RPL34: variants seen among roughly 807,000 people sequenced by gnomAD.
RPL34 encodes large ribosomal subunit protein eL34.
A neutral mutation model predicts 16.3 loss-of-function variants in RPL34; 2 were observed. The observed-to-expected ratio is 0.12, with a 90% CI of 0.05 to 0.39. The LOEUF is 0.39. Among genes scored for constraint, RPL34 ranks in the 10% least tolerant of loss-of-function variants. The pLI is 0.99. For missense variants in RPL34, 82 were observed against 148.8 expected, an observed-to-expected ratio of 0.55 and a Z score of 2.33; for synonymous variants, 47 against 48.5, an observed-to-expected ratio of 0.97 and a Z score of 0.13.
At chr4:108,621,840 G>T (rs1725790992) in intron 1 of RPL34, 111 bp from the exon 2 acceptor site, 5 of 721,768 alleles carry the variant, frequency 6.9e-6, no homozygotes, top group South Asian at 1.5e-5. Context: ...TAATTTAAGG[G>T]TGTTACATAC....
At chr4:108,621,884 A>G (rs111715491) in intron 1 of RPL34, 67 bp from the exon 2 acceptor site, 1 of 1,030,018 alleles carries the variant, frequency 9.7e-7, no homozygotes, top group Admixed American at 1.7e-5. Context: ...AGACCACATG[A>G]TACTGTTTTG....
At chr4:108,624,376 A>G (rs1264745284) in intron 4 of RPL34, among the ~76,000 whole-genome samples, 1 of 152,128 alleles carries the variant, frequency 6.6e-6, no homozygotes, top group Non-Finnish European at 1.5e-5. Context: ...ACCAATGGGA[A>G]ATGGGGTGGG....
chr4:108,629,921 T>C (rs17039168), downstream of RPL34: 42,628 of 152,114 alleles, frequency 0.28, 6,857 homozygotes, highest in East Asian at 0.57. Context: ...AAATCACATA[T>C]AATCCTCACA....
chr4:108,629,453 A>T (rs1330216729), downstream of RPL34, among the ~76,000 whole-genome samples: 1 of 151,804 alleles, frequency 6.6e-6, no homozygotes, highest in African/African-American at 2.4e-5. Flanking sequence ...TTGGTGTTGA[A>T]GTTCAGTATT....
At chr4:108,627,231 T>G (rs1208769654), downstream of RPL34, among the ~76,000 whole-genome samples, 1 of 149,018 alleles carries the variant, frequency 6.7e-6, no homozygotes, top group African/African-American at 2.5e-5. Flanking sequence ...AGAGCGAGAC[T>G]CGGTCTCCAA....
rs573930564 is a variant in RPL34, at chr4:108,624,859, G to C, written c.270-269G>C. 7.2e-5 allele frequency among the ~76,000 whole-genome samples: 11 copies of C among 152,026 alleles called. No homozygotes were observed. In the South Asian group the frequency reaches 2.3e-3, roughly 31 times the overall value. Reference sequence around the variant, plus strand: ...ATTCCTGGATCCTAACAATAAATTAGAGCTCTCATAAGTGGTCTCCTGTGG... The same window carrying C: ...ATTCCTGGATCCTAACAATAAATTACAGCTCTCATAAGTGGTCTCCTGTGG... On this transcript the variant is annotated intron_variant, in intron 4 of 4. Coordinates refer to ENST00000394667, the MANE Select transcript of RPL34 (RefSeq NM_001319236.2).
chr4:108,620,964 T>G (rs997775251), intron 1 of RPL34: 1 of 152,192 alleles, frequency 6.6e-6, no homozygotes, highest in African/African-American at 2.4e-5. Flanking sequence ...CCTTAGTCTT[T>G]GGGAGGGCAG....
At chr4:108,627,986 GAC>G (rs780248549), downstream of RPL34, among the ~76,000 whole-genome samples, 1 of 152,150 alleles carries the variant, frequency 6.6e-6, no homozygotes, top group Admixed American at 6.6e-5. Context: ...TGAGAGAACA[GAC>G]ACAGGTTATA....
At chr4:108,627,086 A>G (rs1726035252), downstream of RPL34, among the ~76,000 whole-genome samples, 1 of 152,098 alleles carries the variant, frequency 6.6e-6, no homozygotes, top group South Asian at 2.1e-4. Flanking sequence ...AAAAATACAA[A>G]AAACTAGCTG....
intron 4 of RPL34, 162 bp downstream of exon 4, chr4:108,622,780 T>C (rs1725838928): frequency 4.2e-6 from 2 of 476,794 alleles, no homozygotes; most frequent in South Asian, 4.5e-5. Context: ...CAGGAAATGA[T>C]ATTCAAAGTA....
chr4:108,629,327 A>G (rs1204820161), downstream of RPL34, among the ~76,000 whole-genome samples: 1 of 152,206 alleles, frequency 6.6e-6, no homozygotes, highest in Non-Finnish European at 1.5e-5. Context: ...TAATTTAGAC[A>G]TTCCCTTTAT....
At chr4:108,624,303 G>A (rs375412636) in intron 4 of RPL34, among the ~76,000 whole-genome samples, 1 of 152,178 alleles carries the variant, frequency 6.6e-6, no homozygotes, top group African/African-American at 2.4e-5. Context: ...AGGATCACAT[G>A]GGGGAGATTT....
At chr4:108,622,302 A>G (rs1725816841) in intron 3 of RPL34, 98 bp downstream of exon 3, 2 of 955,086 alleles carry the variant, frequency 2.1e-6, no homozygotes, top group Non-Finnish European at 3.3e-6. Context: ...GTTACCACTA[A>G]GAGGGTTCAG....
chr4:108,622,002 A>G lies in RPL34; in HGVS notation c.43A>G (p.Thr15Ala), dbSNP rs1725800188. 1.2e-6 allele frequency: 2 copies of G among 1,612,914 alleles called. No individual in the cohort carries two copies. Among genetic ancestry groups the G allele is most frequent in the Admixed American group, 1.7e-5 (1 of 59,998 alleles). ...ATACCGACGTAGGCTTTCCTACAAT[A>G]CAGCCTCTAACAAAACTAGGCTGTA... is the stretch of plus-strand genomic sequence containing the variant. ...LTYRRRLSYN[T>A]ASNKTRLSRT... The change falls in exon 2 of 5, where the codon ACA (threonine) becomes GCA (alanine). Residue 15 changes from threonine (T) to alanine (A), a missense_variant. By Grantham distance (58) the Thr-to-Ala change is moderately conservative (BLOSUM62 0). Coordinates refer to ENST00000394667, the MANE Select transcript of RPL34 (RefSeq NM_001319236.2).
downstream of RPL34, among the ~76,000 whole-genome samples, chr4:108,629,543 T>C (rs1291436544): frequency 6.6e-6 from 1 of 152,228 alleles, no homozygotes; most frequent in Non-Finnish European, 1.5e-5. Context: ...ATAACTCTTC[T>C]GGGTTTTGAT....
At chr4:108,622,379 C>T (rs1725821089) in intron 3 of RPL34, 136 bp from the exon 4 acceptor site, 1 of 801,014 alleles carries the variant, frequency 1.2e-6, no homozygotes, top group Non-Finnish European at 2.1e-6. Flanking sequence ...CTGAGAAATG[C>T]AGTGAAATGC....
chr4:108,625,995 C>T (rs1355932206), downstream of RPL34, among the ~76,000 whole-genome samples: 1 of 152,146 alleles, frequency 6.6e-6, no homozygotes, highest in East Asian at 1.9e-4. Context: ...AAAATGGTAT[C>T]TTGGAGAGCT....
At chr4:108,630,078 T>C (rs1033933434), downstream of RPL34, 2 of 152,210 alleles carry the variant, frequency 1.3e-5, no homozygotes, top group African/African-American at 4.8e-5. Flanking sequence ...AGAGAGCCAG[T>C]TGTGTGCATC....
downstream of RPL34, among the ~76,000 whole-genome samples, chr4:108,628,389 G>A (rs1173636089): frequency 1.3e-5 from 2 of 152,100 alleles, no homozygotes; most frequent in Non-Finnish European, 2.9e-5. Flanking sequence ...TCTAAAAATT[G>A]GCACTTTTAA....
Sources: gnomAD v4.1 joint callset for allele counts (sites outside exome capture counted in the v4.1 genomes callset) on GRCh38, gnomAD v4.1.1 for gene constraint, MANE v1.5 for transcripts, NCBI Gene and HGNC (gene_info 2026-07-23, HGNC 2026-07-21) for gene names.